Variants in GMDS observed in about 807,000 individuals in gnomAD.
GMDS encodes GDP-mannose 4,6 dehydratase.
In GMDS, 20 loss-of-function variants were observed where a neutral mutation model predicts 49.9. The observed-to-expected ratio is 0.40, with a 90% CI of 0.28 to 0.58. The LOEUF (loss-of-function observed/expected upper bound fraction) is 0.58, where lower values mean the gene tolerates loss of function less well. Ranked by LOEUF, GMDS falls within the 20% of genes least tolerant of loss-of-function variation. GMDS has a pLI of 0.42. For synonymous variants in GMDS, 177 were observed against 178.6 expected, an observed-to-expected ratio of 0.99 and a Z score of 0.07; for missense variants, 362 against 481.4, an observed-to-expected ratio of 0.75 and a Z score of 2.32.
intron 1 of GMDS, among the ~76,000 whole-genome samples, chr6:2,166,126 A>G (rs1777658049): frequency 6.6e-6 from 1 of 152,228 alleles, no homozygotes; most frequent in African/African-American, 2.4e-5. Context: ...AGAGAACGTG[A>G]GCATTCACGT....
intron 7 of GMDS, among the ~76,000 whole-genome samples, chr6:1,858,965 T>TG (rs3839600): frequency 0.39 from 59,091 of 151,404 alleles, 11,699 homozygotes; most frequent in South Asian, 0.48. Flanking sequence ...TTTTGTGTTT[T>TG]GGGGGGGGCA....
chr6:1,651,349 A>G (rs539162190), intron 9 of GMDS, among the ~76,000 whole-genome samples: 26 of 152,214 alleles, frequency 1.7e-4, no homozygotes, highest in Non-Finnish European at 3.2e-4. Flanking sequence ...GGTGTCTCAC[A>G]GGAATAGTTC....
chr6:2,201,426 G>C (rs1779528656), intron 1 of GMDS, among the ~76,000 whole-genome samples: 1 of 111,632 alleles, frequency 9.0e-6, no homozygotes, highest in African/African-American at 3.5e-5. Context: ...TGTTAGCAGA[G>C]AGGTGAAGGA....
chr6:1,967,554 A>C (rs1245875999), intron 4 of GMDS, among the ~76,000 whole-genome samples: 1 of 152,206 alleles, frequency 6.6e-6, no homozygotes, highest in African/African-American at 2.4e-5. Context: ...CTAGCATAAC[A>C]ATAACAATAG....
chr6:1,832,131 G>A (rs1756676008), intron 7 of GMDS, among the ~76,000 whole-genome samples: 1 of 151,586 alleles, frequency 6.6e-6, no homozygotes, highest in Non-Finnish European at 1.5e-5. Context: ...AAGGTGGGAG[G>A]ATCACTTGAG....
intron 1 of GMDS, among the ~76,000 whole-genome samples, chr6:2,163,046 G>C (rs1447365057): frequency 6.6e-6 from 1 of 152,202 alleles, no homozygotes; most frequent in East Asian, 1.9e-4. Context: ...GCACACTGTA[G>C]TGTAGCTGAT....
At chr6:2,069,505 C>T (rs1416113225) in intron 4 of GMDS, among the ~76,000 whole-genome samples, 11 of 151,836 alleles carry the variant, frequency 7.2e-5, no homozygotes, top group East Asian at 3.9e-4. Flanking sequence ...AGAAAATTTT[C>T]GCAACCTACT....
intron 7 of GMDS, among the ~76,000 whole-genome samples, chr6:1,746,855 C>T (rs552273599): frequency 1.3e-5 from 2 of 152,160 alleles, no homozygotes; most frequent in Non-Finnish European, 1.5e-5. Flanking sequence ...TTGTGCGCCA[C>T]CATACCCGGC....
At chr6:1,966,009 C>T (rs962192211) in intron 4 of GMDS, among the ~76,000 whole-genome samples, 2 of 152,070 alleles carry the variant, frequency 1.3e-5, no homozygotes, top group Non-Finnish European at 2.9e-5. Flanking sequence ...AGGTCATAGC[C>T]CTATAAACAT....
intron 1 of GMDS, among the ~76,000 whole-genome samples, chr6:2,159,142 A>C (rs1267804771): frequency 6.6e-6 from 1 of 152,186 alleles, no homozygotes; most frequent in Non-Finnish European, 1.5e-5. Context: ...AACTTTGGGG[A>C]TACATATTAA....
intron 1 of GMDS, among the ~76,000 whole-genome samples, chr6:2,205,057 G>GGGTGC (rs1779738796): frequency 2.0e-5 from 3 of 152,046 alleles, no homozygotes; most frequent in Non-Finnish European, 4.4e-5. Flanking sequence ...GACATTTATT[G>GGGTGC]AGCATTTGCT....
Position 2,060,608 on chromosome 6 carries a change from G to A in GMDS, c.345+55163C>T, listed in dbSNP as rs553746093. ...TGGGAAGAATAAACAACAGATAAGTGAAATATGTAGAGTACGTTAGATAGT... is the reference window on the plus strand; with the variant it reads ...TGGGAAGAATAAACAACAGATAAGTAAAATATGTAGAGTACGTTAGATAGT... On this transcript the variant is annotated intron_variant, in intron 4 of 10. Coordinates refer to ENST00000380815, the MANE Select transcript of GMDS (RefSeq NM_001500.4). Among the ~76,000 whole-genome samples the A allele has an allele frequency of 2.0e-4, 31 of 152,266 alleles. No individual in the cohort carries two copies. The South Asian group carries it at 6.2e-3, about 31-fold the overall frequency.
At chr6:1,720,297 A>G (rs570668610) in intron 9 of GMDS, among the ~76,000 whole-genome samples, 63 of 152,166 alleles carry the variant, frequency 4.1e-4, no homozygotes, top group Non-Finnish European at 3.8e-4. Context: ...GGGGATTTGT[A>G]TGCGATCCTA....
chr6:1,914,354 G>A (rs1024173559), intron 7 of GMDS, among the ~76,000 whole-genome samples: 6 of 151,012 alleles, frequency 4.0e-5, no homozygotes, highest in Non-Finnish European at 8.8e-5. Context: ...TACTTGGGAG[G>A]CGTAGAATCC....
intron 8 of GMDS, among the ~76,000 whole-genome samples, chr6:1,731,039 A>T (rs1322723087): frequency 2.0e-5 from 3 of 152,206 alleles, no homozygotes; most frequent in Non-Finnish European, 4.4e-5. Flanking sequence ...AGAGATCAGG[A>T]AAGATATCAA....
At position 1,625,877 on chromosome 6, in the gene GMDS, G is replaced by A. The variant is rs564163421; in HGVS notation, c.988-1337C>T. ...CGAACGCAAAGGCCGTACGAAAATAGCCGATCTTTAAAGGTGAGAAATACT... is the reference window on the plus strand; with the variant it reads ...CGAACGCAAAGGCCGTACGAAAATAACCGATCTTTAAAGGTGAGAAATACT... On this transcript the variant is annotated intron_variant, in intron 9 of 10. Transcript: ENST00000380815. 6.4e-4 allele frequency among the ~76,000 whole-genome samples: 98 copies of A among 152,354 alleles called. 1 individual carries two copies. The highest frequency in any genetic ancestry group is 2.2e-3 in the African/African-American group (92 of 41,582).
intron 7 of GMDS, among the ~76,000 whole-genome samples, chr6:1,811,725 C>A (rs1473624616): frequency 6.6e-6 from 1 of 152,158 alleles, no homozygotes; most frequent in East Asian, 1.9e-4. Flanking sequence ...CCACTGCACA[C>A]AGTAGGCACT....
chr6:2,234,577 C>G (rs1781265047), intron 1 of GMDS, among the ~76,000 whole-genome samples: 1 of 151,916 alleles, frequency 6.6e-6, no homozygotes, highest in African/African-American at 2.4e-5. Flanking sequence ...CCACTGCACT[C>G]CAGCCTGGGC....
At chr6:2,133,431 A>G (rs1283336735) in intron 1 of GMDS, among the ~76,000 whole-genome samples, 1 of 152,234 alleles carries the variant, frequency 6.6e-6, no homozygotes, top group Non-Finnish European at 1.5e-5. Flanking sequence ...ACATTAATTT[A>G]ACAGTCTGCT....
Sources: gnomAD v4.1 joint callset for allele counts (sites outside exome capture counted in the v4.1 genomes callset) on GRCh38, gnomAD v4.1.1 for gene constraint, MANE v1.5 for transcripts, NCBI Gene and HGNC (gene_info 2026-07-23, HGNC 2026-07-21) for gene names.